The following SDHAF3 variants were observed in gnomAD, a reference collection of about 807,000 sequenced individuals.
SDHAF3 encodes succinate dehydrogenase assembly factor 3, mitochondrial.
Under a neutral mutation model 11.5 loss-of-function variants are expected in SDHAF3, and 18 were observed. The ratio of observed to expected loss-of-function variants is 1.56; its 90% CI spans 1.08 to 2.32. The LOEUF (loss-of-function observed/expected upper bound fraction) is 2.32, where lower values mean the gene tolerates loss of function less well. Among genes scored for constraint, SDHAF3 ranks in the 30% most tolerant of loss-of-function variants. The pLI, the probability that SDHAF3 is intolerant of heterozygous loss-of-function variation, is 0.00. For missense variants in SDHAF3, 200 were observed against 154.4 expected, an observed-to-expected ratio of 1.30 and a Z score of -1.57; for synonymous variants, 72 against 59.3, an observed-to-expected ratio of 1.21 and a Z score of -0.99.
chr7:97,175,641 T>G (rs1789668409), intron 1 of SDHAF3, among the ~76,000 whole-genome samples: 1 of 152,208 alleles, frequency 6.6e-6, no homozygotes, highest in African/African-American at 2.4e-5. Context: ...GCAAGTTTAA[T>G]ATACAGGTAG....
chr7:97,120,699 C>G (rs28693735), intron 1 of SDHAF3, among the ~76,000 whole-genome samples: 111 of 152,240 alleles, frequency 7.3e-4, no homozygotes, highest in African/African-American at 2.4e-3. Flanking sequence ...AGAGTCTGGT[C>G]TACACGATCC....
At position 97,117,807 on chromosome 7, in the gene SDHAF3, A is replaced by G; in HGVS notation, c.84A>G (p.Lys28=). Residue 28 remains lysine (K), a synonymous_variant, in exon 1 of 2, where the codon AAA becomes AAG. Transcript: ENST00000432641. ...QLHRVLPPDL[K]SLGDQYVKDE... The stretch of plus-strand genomic sequence containing the variant: ...ACCGTGTTCTGCCCCCGGACCTCAA[A>G]TCCCTGGGCGACCAGTACGTGAAAG... 1 of 1,614,184 alleles carries G rather than the reference A, an allele frequency of 6.2e-7. No individual in the cohort carries two copies. The highest frequency in any genetic ancestry group is 8.5e-7 in the Non-Finnish European group (1 of 1,180,036).
intron 1 of SDHAF3, among the ~76,000 whole-genome samples, chr7:97,140,373 T>C (rs1195296442): frequency 8.9e-5 from 11 of 123,464 alleles, no homozygotes; most frequent in Admixed American, 7.4e-4. Context: ...TGAGATGGAG[T>C]CTCGCTCTGT....
chr7:97,120,892 A>G (rs1791481229), intron 1 of SDHAF3, among the ~76,000 whole-genome samples: 1 of 152,200 alleles, frequency 6.6e-6, no homozygotes, highest in South Asian at 2.1e-4. Flanking sequence ...GAAAACTGGC[A>G]ATATAATAGT....
chr7:97,139,291 A>T (rs555918717), intron 1 of SDHAF3, among the ~76,000 whole-genome samples: 25 of 152,164 alleles, frequency 1.6e-4, no homozygotes, highest in Non-Finnish European at 3.2e-4. Context: ...GTGGTCCCCC[A>T]CCTGAAGGTG....
At chr7:97,172,951 G>A (rs1306330200) in intron 1 of SDHAF3, among the ~76,000 whole-genome samples, 2 of 152,228 alleles carry the variant, frequency 1.3e-5, no homozygotes, top group Non-Finnish European at 2.9e-5. Flanking sequence ...TCTGCAGGTT[G>A]TAGGGGATGG....
At position 97,181,289 on chromosome 7, in the gene SDHAF3, ATATT is replaced by A. The variant is rs1285595592; in HGVS notation, c.*77_*80del. The A allele has an allele frequency of 3.5e-6, 4 of 1,149,134 alleles. No individual in the cohort carries two copies. The African/African-American group carries it at 4.7e-5, about 14-fold the overall frequency. The allele number at this position is 1,149,134 out of a possible 1,614,324, so 71.2% of individuals were successfully genotyped here. ...TTTAACTGTCATTGGTTTTTGAAAT[ATATT>A]TAAGCTTTGAAAACACCTGTTATTA... is the stretch of plus-strand genomic sequence containing the variant. On this transcript the variant is annotated 3_prime_UTR_variant, in exon 2 of 2. Coordinates refer to ENST00000432641, the MANE Select transcript of SDHAF3 (RefSeq NM_020186.3).
chr7:97,137,427 C>T (rs1442880961), intron 1 of SDHAF3, among the ~76,000 whole-genome samples: 3 of 152,078 alleles, frequency 2.0e-5, no homozygotes, highest in Non-Finnish European at 4.4e-5. Flanking sequence ...AGAAAGGAGA[C>T]GAGATCAGGA....
intron 1 of SDHAF3, chr7:97,135,682 A>ATATATATATATATATTT (rs1491358723): frequency 1.6e-5 from 1 of 61,830 alleles, no homozygotes; most frequent in African/African-American, 7.3e-5. Context: ...ATATATATAT[A>ATATATATATATATATTT]TTTTTTTTTT....
At chr7:97,161,943 A>G (rs1206449853) in intron 1 of SDHAF3, among the ~76,000 whole-genome samples, 1 of 152,244 alleles carries the variant, frequency 6.6e-6, no homozygotes, top group African/African-American at 2.4e-5. Context: ...CTTTGGGTAT[A>G]TATCCAGTAA....
chr7:97,143,486 A>G (rs1024108655), intron 1 of SDHAF3, among the ~76,000 whole-genome samples: 58 of 152,010 alleles, frequency 3.8e-4, no homozygotes, highest in African/African-American at 1.4e-3. Context: ...CCCAAAGTCC[A>G]TTGTATCATT....
At chr7:97,145,882 C>T (rs947688621) in intron 1 of SDHAF3, among the ~76,000 whole-genome samples, 5 of 152,122 alleles carry the variant, frequency 3.3e-5, no homozygotes, top group Admixed American at 1.3e-4. Flanking sequence ...AGAGAATCTT[C>T]GTTTTCGGGA....
intron 1 of SDHAF3, among the ~76,000 whole-genome samples, chr7:97,133,767 C>T (rs550812767): frequency 4.7e-4 from 71 of 152,286 alleles, no homozygotes; most frequent in Middle Eastern, 3.4e-3. Flanking sequence ...CTTCTTTACT[C>T]CTAAATCAGT....
chr7:97,150,464 A>G (rs904064493), intron 1 of SDHAF3, among the ~76,000 whole-genome samples: 3 of 152,174 alleles, frequency 2.0e-5, no homozygotes, highest in African/African-American at 7.2e-5. Flanking sequence ...AGTAGGCATG[A>G]AAACATTATT....
chr7:97,180,129 A>T (rs1015656560), intron 1 of SDHAF3, among the ~76,000 whole-genome samples: 3 of 152,252 alleles, frequency 2.0e-5, no homozygotes, highest in Admixed American at 2.0e-4. Flanking sequence ...GAGCAAAATT[A>T]GAACATGAAA....
rs369475747 is a variant in SDHAF3 at position 97,117,707 on chromosome 7, G to A, written c.-17G>A. On this transcript the variant is annotated 5_prime_UTR_variant, in exon 1 of 2. Coordinates refer to ENST00000432641, the MANE Select transcript of SDHAF3 (RefSeq NM_020186.3). The stretch of plus-strand genomic sequence containing the variant: ...GTCCCTCTGCGCAGGCGCAGTCGGC[G>A]GTCGGCGTGGGGCGCTATGCCGGGG... 43 of 1,605,344 alleles carry A rather than the reference G, an allele frequency of 2.7e-5. No homozygotes were observed. Among genetic ancestry groups the A allele is most frequent in the Non-Finnish European group, 3.4e-5 (40 of 1,175,420 alleles).
At chr7:97,174,006 G>A (rs113918352) in intron 1 of SDHAF3, among the ~76,000 whole-genome samples, 8,691 of 151,336 alleles carry the variant, frequency 0.057, 332 homozygotes, top group South Asian at 0.098. Flanking sequence ...TGCAACCTCC[G>A]ACTCCTGGTT....
At chr7:97,166,847 T>C (rs1278028379) in intron 1 of SDHAF3, among the ~76,000 whole-genome samples, 2 of 152,200 alleles carry the variant, frequency 1.3e-5, no homozygotes, top group African/African-American at 2.4e-5. Flanking sequence ...TATAGAATAG[T>C]AGAAATAATA....
chr7:97,120,747 G>C (rs1216047101), intron 1 of SDHAF3, among the ~76,000 whole-genome samples: 1 of 152,134 alleles, frequency 6.6e-6, no homozygotes, highest in East Asian at 1.9e-4. Context: ...TTATGGACTT[G>C]AATGGATTCT....
Sources: gnomAD v4.1 joint callset for allele counts (sites outside exome capture counted in the v4.1 genomes callset) on GRCh38, gnomAD v4.1.1 for gene constraint, MANE v1.5 for transcripts, NCBI Gene and HGNC (gene_info 2026-07-23, HGNC 2026-07-21) for gene names.